Variants in TMEM94 observed in about 807,000 individuals in gnomAD.
TMEM94 encodes ER Mg2+ ATPase.
TMEM94 carries 81 observed loss-of-function variants against 158.6 expected under a neutral mutation model. The ratio of observed to expected loss-of-function variants is 0.51; its 90% CI spans 0.43 to 0.61. The LOEUF (loss-of-function observed/expected upper bound fraction) is 0.61. Among genes scored for constraint, TMEM94 ranks in the 20% least tolerant of loss-of-function variants. The pLI, the probability that TMEM94 is intolerant of heterozygous loss-of-function variation, is 0.00. For synonymous variants in TMEM94, 751 were observed against 730.7 expected (o/e 1.03, Z -0.45); for missense variants, 1,435 against 1,762.0 (o/e 0.81, Z 3.32).
In TMEM94 at chr17:75,486,366, G is replaced by A; in HGVS notation, c.349G>A (p.Asp117Asn). 6.2e-7 allele frequency: 1 copy of A among 1,614,214 alleles called. No homozygotes were observed. The highest frequency in any genetic ancestry group is 1.1e-5 in the South Asian group (1 of 91,086). The change falls in exon 5 of 32, where the codon GAC becomes AAC. Residue 117 changes from aspartate to asparagine, a missense_variant. Around this residue, in one of 3 missense-constraint regions of TMEM94, gnomAD observed 1,051 missense variants for 1,254.4 expected, o/e 0.84. Coordinates refer to ENST00000314256, the MANE Select transcript of TMEM94 (RefSeq NM_014738.6). ...CAACCTTGTGCTCATCGGGCGGCAA[G>A]ACCGGCTGAAGCGTCGGGAGGTAGA... Reference protein sequence around the residue: ...LLNLVLIGRQDRLKRREVERR... With the variant: ...LLNLVLIGRQNRLKRREVERR...
intron 1 of TMEM94, among the ~76,000 whole-genome samples, chr17:75,469,907 T>C (rs528776310): frequency 4.7e-4 from 72 of 152,170 alleles, no homozygotes; most frequent in African/African-American, 1.6e-3. Context: ...ACCCCGTCTC[T>C]AGTAAAAATA....
chr17:75,459,417 G>T (rs1403469560), intron 1 of TMEM94, among the ~76,000 whole-genome samples: 1 of 152,228 alleles, frequency 6.6e-6, no homozygotes, highest in African/African-American at 2.4e-5. Flanking sequence ...TGAAATGGAA[G>T]AGAAACCCCA....
chr17:75,482,723 T>G (rs1359461708), intron 2 of TMEM94, among the ~76,000 whole-genome samples: 5 of 152,206 alleles, frequency 3.3e-5, no homozygotes, highest in Non-Finnish European at 7.3e-5. Context: ...GCGGAATGCC[T>G]CGGGTTGTTC....
At chr17:75,486,177 C>T (rs868124236) in intron 4 of TMEM94, 113 bp from the exon 5 acceptor site, 20 of 1,508,148 alleles carry the variant, frequency 1.3e-5, no homozygotes, top group African/African-American at 4.2e-5. Context: ...GGCACCAGAA[C>T]GGGACAGTCT....
chr17:75,473,606 G>GA (rs1462063882), intron 2 of TMEM94, among the ~76,000 whole-genome samples: 1 of 152,208 alleles, frequency 6.6e-6, no homozygotes. Flanking sequence ...GAAGACTTGA[G>GA]AACCCAGCTG....
intron 2 of TMEM94, among the ~76,000 whole-genome samples, chr17:75,484,888 A>G (rs2051459107): frequency 6.6e-6 from 1 of 152,044 alleles, no homozygotes; most frequent in Non-Finnish European, 1.5e-5. Context: ...AGTACAAAAA[A>G]TTAGCCCGAC....
intron 1 of TMEM94, among the ~76,000 whole-genome samples, chr17:75,465,675 A>ATTTTTTTTTTTTTTT (rs2050280339): frequency 2.6e-5 from 2 of 77,118 alleles, no homozygotes; most frequent in African/African-American, 9.9e-5. Flanking sequence ...ATATATATAT[A>ATTTTTTTTTTTTTTT]TATATTTTTT....
rs111760379 is a variant in TMEM94, at chr17:75,465,290, G to T, written c.-106-6510G>T. The stretch of plus-strand genomic sequence containing the variant: ...GCCTCCCAAAGTGCTGAAATTACAG[G>T]CGTGAGCCACCATGCCTGGCCTTCT... On this transcript the variant is annotated intron_variant, in intron 1 of 31. Transcript: ENST00000314256. 1.6e-3 allele frequency among the ~76,000 whole-genome samples: 247 copies of T among 152,148 alleles called. 1 individual carries two copies. The highest frequency in any genetic ancestry group is 5.7e-3 in the African/African-American group (235 of 41,494).
rs1598342869 is a variant in TMEM94 at position 75,476,821 on chromosome 17, GC to G, written c.24+4893del. On this transcript the variant is annotated intron_variant, in intron 2 of 31. Coordinates refer to ENST00000314256, the MANE Select transcript of TMEM94 (RefSeq NM_014738.6). ...GCTTTGTGTGGGAGTCTTCGGGTTA[GC>G]GGTTGCTGTGAGAGTCCTGAAGACA... The G allele has an allele frequency of 3.9e-6, 6 of 1,529,044 alleles. No homozygotes were observed. In the East Asian group the frequency reaches 1.5e-4, roughly 37 times the overall value. The allele number at this position is 1,529,044 out of a possible 1,614,324, so 94.7% of individuals were successfully genotyped here.
intron 4 of TMEM94, 76 bp downstream of exon 4, chr17:75,486,074 G>A (rs2051577675): frequency 1.0e-5 from 15 of 1,491,782 alleles, no homozygotes; most frequent in Admixed American, 4.7e-5. Flanking sequence ...GACAGACCAG[G>A]GCTCTTGGGG....
chr17:75,495,770 T>G lies in TMEM94; in HGVS notation c.2944+127T>G. On this transcript the variant is annotated intron_variant, in intron 22 of 31. Transcript: ENST00000314256. This position sits in a 1 kb window ranked among gnomAD's most constrained non-coding sequence, Gnocchi z 5.6. Reference sequence around the variant, plus strand: ...ATGCAGGGAGTAAAGGAACCTGGGCTGGGATCAGCTGGGGAATCTTGTGGG... The same window carrying G: ...ATGCAGGGAGTAAAGGAACCTGGGCGGGGATCAGCTGGGGAATCTTGTGGG... 1 of 916,406 alleles carries G rather than the reference T, an allele frequency of 1.1e-6. No individual in the cohort carries two copies. Among genetic ancestry groups the G allele is most frequent in the Non-Finnish European group, 1.7e-6 (1 of 584,520 alleles). 56.8% of individuals were successfully genotyped at this position (916,406 alleles called of 1,614,324 possible).
chr17:75,492,343 C>T lies in TMEM94; in HGVS notation c.1597-131C>T. ...GAGGGAGCGGGTGGAAGAGGGTGAG[C>T]AGCAGCTCTCTCCTGGGAAGGGTGC... On this transcript the variant is annotated intron_variant, in intron 14 of 31. Transcript: ENST00000314256. The surrounding 1 kb of genome is among the most constrained non-coding windows in gnomAD (Gnocchi z 4.4). The T allele has an allele frequency of 2.8e-6, 4 of 1,440,850 alleles. No homozygotes were observed. Among genetic ancestry groups the T allele is most frequent in the South Asian group, 1.5e-5 (1 of 67,228 alleles). The allele number at this position is 1,440,850 out of a possible 1,614,324, so 89.3% of individuals were successfully genotyped here. A position where few individuals can be genotyped will look rare whatever the true frequency, so the allele number is the denominator to read the frequency against.
Position 75,489,344 on chromosome 17 carries a change from A to G in TMEM94, c.843A>G (p.Leu281=). ...GGTTCACAGTGCAGTCGGTGATGCTACACTATGCTGTGCCCGTGGTCCTGG... is the reference window on the plus strand; with the variant it reads ...GGTTCACAGTGCAGTCGGTGATGCTGCACTATGCTGTGCCCGTGGTCCTGG... The part of the protein sequence containing the change: ...NERFTVQSVM[L]HYAVPVVLAG... Residue 281 remains leucine (L), a synonymous_variant, in exon 8 of 32, where the codon CTA becomes CTG. Coordinates refer to ENST00000314256, the MANE Select transcript of TMEM94 (RefSeq NM_014738.6). The surrounding 1 kb of genome is among the most constrained non-coding windows in gnomAD (Gnocchi z 5.0). The G allele has an allele frequency of 6.2e-7, 1 of 1,614,108 alleles. No homozygotes were observed. Among genetic ancestry groups the G allele is most frequent in the Non-Finnish European group, 8.5e-7 (1 of 1,179,998 alleles).
intron 2 of TMEM94, among the ~76,000 whole-genome samples, chr17:75,477,260 G>A (rs191425262): frequency 2.0e-5 from 3 of 152,316 alleles, no homozygotes; most frequent in African/African-American, 7.2e-5. Flanking sequence ...TCTGCTCAAG[G>A]CTCTGATTTG....
chr17:75,485,927 G>A lies in TMEM94; in HGVS notation c.201G>A (p.Trp67Ter). ...GTAACCGCTGCTCCTGCTTCCACTG[G>A]CCGGGGGCCTCACTCATGCTACTGG... ...HHSNRCSCFH[W>*]PGASLMLLAV... Residue 67 changes from tryptophan to a stop codon, truncating the protein, a stop_gained, in exon 4 of 32, where the codon TGG (tryptophan) becomes TGA (stop). Transcript: ENST00000314256. LOFTEE classifies it high-confidence loss of function. This position sits in a 1 kb window ranked among gnomAD's most constrained non-coding sequence, Gnocchi z 5.5. 1 of 1,613,716 alleles carries A rather than the reference G, an allele frequency of 6.2e-7. No individual in the cohort carries two copies. The highest frequency in any genetic ancestry group is 2.2e-5 in the East Asian group (1 of 44,872).
Position 75,494,752 on chromosome 17 carries a change from G to A in TMEM94, c.2533G>A (p.Val845Ile), listed in dbSNP as rs2052524717. The A allele has an allele frequency of 1.9e-6, 3 of 1,613,586 alleles. No homozygotes were observed. The highest frequency in any genetic ancestry group is 2.5e-6 in the Non-Finnish European group (3 of 1,180,046). Reference sequence around the variant, plus strand: ...CATCGTGCGCCTCATTGATGGGCTTGTCAACGCCTGCATCCGCTTTGTCTA... The same window carrying A: ...CATCGTGCGCCTCATTGATGGGCTTATCAACGCCTGCATCCGCTTTGTCTA... ...LDIVRLIDGL[V>I]NACIRFVYFS... Residue 845 changes from valine (V) to isoleucine (I), a missense_variant, in exon 19 of 32, where the codon GTC (valine) becomes ATC (isoleucine). Physicochemically the swap from Val to Ile is conservative, Grantham distance 29 (BLOSUM62 3). Around this residue, in one of 3 missense-constraint regions of TMEM94, gnomAD observed 1,051 missense variants for 1,254.4 expected, o/e 0.84. Coordinates refer to ENST00000314256, the MANE Select transcript of TMEM94 (RefSeq NM_014738.6).
At chr17:75,459,329 T>G (rs990510930) in intron 1 of TMEM94, among the ~76,000 whole-genome samples, 2 of 152,160 alleles carry the variant, frequency 1.3e-5, no homozygotes, top group Non-Finnish European at 2.9e-5. Flanking sequence ...TTAACTGCCC[T>G]TGAACCACCA....
chr17:75,486,834 G>A lies in TMEM94; in HGVS notation c.409+408G>A, dbSNP rs573105700. Among the ~76,000 whole-genome samples, 474 of 152,330 alleles carry A rather than the reference G, an allele frequency of 3.1e-3. 5 individuals are homozygous for A. The highest frequency in any genetic ancestry group is 3.4e-3 in the Non-Finnish European group (234 of 68,032). On this transcript the variant is annotated intron_variant, in intron 5 of 31. Coordinates refer to ENST00000314256, the MANE Select transcript of TMEM94 (RefSeq NM_014738.6). ...CAGGAATTGGGGTGGGGTAGGGGCC[G>A]GGAGCCTGAGATGGAGCAGCCCAGC...
chr17:75,496,661 T>C, intron 24 of TMEM94, 69 bp from the exon 25 acceptor site: 1 of 1,516,934 alleles, frequency 6.6e-7, no homozygotes, highest in Non-Finnish European at 9.1e-7. Context: ...TTGGCTAAAG[T>C]GTGTCAGCTG....
Sources: allele counts gnomAD v4.1 joint callset (sites outside exome capture counted in the v4.1 genomes callset), GRCh38; gene constraint gnomAD v4.1.1; regional missense constraint gnomAD v4.1.1; non-coding constraint Gnocchi (gnomAD v3.1); transcripts MANE v1.5; gene names NCBI Gene and HGNC (gene_info 2026-07-23, HGNC 2026-07-21).